TRPM3: variants seen among roughly 807,000 people sequenced by gnomAD.
The protein encoded by TRPM3 is transient receptor potential cation channel subfamily M member 3.
TRPM3 carries 77 observed loss-of-function variants against 181.2 expected under a neutral mutation model. The ratio of observed to expected loss-of-function variants is 0.42; its 90% CI spans 0.35 to 0.51. The LOEUF (loss-of-function observed/expected upper bound fraction) is 0.51, where lower values mean the gene tolerates loss of function less well. TRPM3 is among the 20% of genes least tolerant of loss of function. The probability of loss-of-function intolerance (pLI) is 0.01; values close to 1 mark genes in which losing one functional copy is unlikely to be tolerated. For synonymous variants in TRPM3, 745 were observed against 796.4 expected (o/e 0.94, Z 1.09); for missense variants, 1,759 against 2,196.7 (o/e 0.80, Z 3.98).
chr9:71,030,530 A>C (rs1238217997), intron 1 of TRPM3, among the ~76,000 whole-genome samples: 1 of 151,224 alleles, frequency 6.6e-6, no homozygotes, highest in Non-Finnish European at 1.5e-5. Flanking sequence ...ATGCCATTGC[A>C]CTCCAGCCTG....
intron 1 of TRPM3, among the ~76,000 whole-genome samples, chr9:71,195,481 G>A (rs979440671): frequency 1.8e-4 from 27 of 152,044 alleles, no homozygotes; most frequent in African/African-American, 5.3e-4. Flanking sequence ...TGAGGTTAAG[G>A]AAAGGAAACA....
At chr9:70,579,917 C>T (rs1380080612) in intron 22 of TRPM3, among the ~76,000 whole-genome samples, 2 of 152,214 alleles carry the variant, frequency 1.3e-5, no homozygotes, top group African/African-American at 2.4e-5. Context: ...TCTGGCTGCT[C>T]AGGGTCCACC....
chr9:70,557,234 C>T (rs762586292), intron 22 of TRPM3, among the ~76,000 whole-genome samples: 1 of 152,174 alleles, frequency 6.6e-6, no homozygotes, highest in Non-Finnish European at 1.5e-5. Flanking sequence ...GATAGTCCCT[C>T]TAGCCTGGCC....
intron 1 of TRPM3, among the ~76,000 whole-genome samples, chr9:71,360,186 C>G (rs1283997872): frequency 6.6e-6 from 1 of 152,150 alleles, no homozygotes; most frequent in African/African-American, 2.4e-5. Flanking sequence ...AAAGCTCCTA[C>G]TGGATTACAG....
chr9:71,076,079 G>A (rs2063414693), intron 1 of TRPM3, among the ~76,000 whole-genome samples: 2 of 152,074 alleles, frequency 1.3e-5, no homozygotes, highest in Admixed American at 1.3e-4. Flanking sequence ...TGAAAATGAA[G>A]AATGATTAGA....
At chr9:71,011,551 TAAG>T (rs1418639823) in intron 1 of TRPM3, among the ~76,000 whole-genome samples, 1 of 152,146 alleles carries the variant, frequency 6.6e-6, no homozygotes, top group Non-Finnish European at 1.5e-5. Flanking sequence ...CTATAATTTT[TAAG>T]AAGTTCTTTA....
chr9:71,324,118 T>C (rs2089468225), intron 1 of TRPM3, among the ~76,000 whole-genome samples: 1 of 152,138 alleles, frequency 6.6e-6, no homozygotes, highest in Non-Finnish European at 1.5e-5. Flanking sequence ...AGTGGCAGAA[T>C]GCATTCACCT....
chr9:71,167,284 C>T (rs1226011763), intron 1 of TRPM3, among the ~76,000 whole-genome samples: 1 of 152,072 alleles, frequency 6.6e-6, no homozygotes, highest in Non-Finnish European at 1.5e-5. Context: ...ATCTTATTTG[C>T]CTTATGTGAT....
chr9:70,857,836 C>T (rs1248045930), intron 3 of TRPM3, among the ~76,000 whole-genome samples: 1 of 152,186 alleles, frequency 6.6e-6, no homozygotes. Flanking sequence ...GAATGAGACT[C>T]TCTTGGAAGT....
intron 1 of TRPM3, among the ~76,000 whole-genome samples, chr9:71,043,270 T>C (rs949260072): frequency 5.3e-5 from 8 of 152,300 alleles, no homozygotes; most frequent in East Asian, 1.9e-4. Context: ...GGGTGATTGA[T>C]AAACAGCTGC....
chr9:71,314,866 A>AAAC lies in TRPM3; in HGVS notation c.183+131786_183+131787insGTT, dbSNP rs1391541555. 4.0e-5 allele frequency among the ~76,000 whole-genome samples: 6 copies of AAAC among 151,564 alleles called. No homozygotes were observed. In the South Asian group the frequency reaches 1.0e-3, roughly 26 times the overall value. On this transcript the variant is annotated intron_variant, in intron 1 of 24. Coordinates refer to the TRPM3 transcript ENST00000357533. ...CTTCTGATTGAGAAGAGGAAATTAAAAAAAAAAAAAAATGGGCATCAACGT... is the reference window on the plus strand; with the variant it reads ...CTTCTGATTGAGAAGAGGAAATTAAAAACAAAAAAAAAAAATGGGCATCAACGT...
chr9:71,435,825 C>T (rs990914682), intron 1 of TRPM3, among the ~76,000 whole-genome samples: 4 of 152,092 alleles, frequency 2.6e-5, no homozygotes, highest in African/African-American at 4.8e-5. Flanking sequence ...TTTTCAATTA[C>T]CCAGGTGGGC....
At chr9:71,251,470 T>A (rs111451520) in intron 1 of TRPM3, among the ~76,000 whole-genome samples, 3,434 of 152,278 alleles carry the variant, frequency 0.023, 54 homozygotes, top group South Asian at 0.039. Flanking sequence ...TAAATGTTTA[T>A]TTAACTAAAT....
intron 8 of TRPM3, among the ~76,000 whole-genome samples, chr9:70,740,029 C>G (rs936074144): frequency 2.0e-5 from 3 of 152,138 alleles, no homozygotes; most frequent in Non-Finnish European, 2.9e-5. Flanking sequence ...GGAAGTCAAA[C>G]TGTTGCCATT....
intron 1 of TRPM3, among the ~76,000 whole-genome samples, chr9:70,875,419 C>T (rs1002779957): frequency 6.6e-6 from 1 of 151,876 alleles, no homozygotes; most frequent in Non-Finnish European, 1.5e-5. Flanking sequence ...TAGCAGAGCA[C>T]ACAGTTTTGT....
chr9:70,545,544 C>CTTT (rs1331656200), intron 25 of TRPM3, among the ~76,000 whole-genome samples: 2 of 26,136 alleles, frequency 7.7e-5, no homozygotes, highest in Admixed American at 5.7e-4. Flanking sequence ...TTTTAATTTT[C>CTTT]TTTCTTTTTT....
At chr9:70,928,430 T>G (rs969561104) in intron 1 of TRPM3, among the ~76,000 whole-genome samples, 2 of 152,216 alleles carry the variant, frequency 1.3e-5, no homozygotes, top group Admixed American at 1.3e-4. Flanking sequence ...GGCCACAGTG[T>G]TAGATCAATG....
At chr9:70,589,109 G>T (rs559902534) in intron 22 of TRPM3, among the ~76,000 whole-genome samples, 11 of 152,346 alleles carry the variant, frequency 7.2e-5, no homozygotes, top group Admixed American at 2.0e-4. Context: ...TCTCACACAC[G>T]TAGAGCTCCA....
intron 1 of TRPM3, among the ~76,000 whole-genome samples, chr9:71,034,062 C>T (rs1184443858): frequency 6.6e-6 from 1 of 152,198 alleles, no homozygotes; most frequent in Non-Finnish European, 1.5e-5. Flanking sequence ...TGTGCAAACT[C>T]CACATAGACA....
Sources: gnomAD v4.1 joint callset for allele counts (sites outside exome capture counted in the v4.1 genomes callset) on GRCh38, gnomAD v4.1.1 for gene constraint, MANE v1.5 for transcripts, NCBI Gene and HGNC (gene_info 2026-07-23, HGNC 2026-07-21) for gene names.